Variants in SH2D1B observed in about 807,000 individuals in gnomAD.
SH2D1B encodes the protein SH2 domain containing 1B.
Under a neutral mutation model 16.3 loss-of-function variants are expected in SH2D1B, and 11 were observed. The ratio of observed to expected loss-of-function variants is 0.67; its 90% confidence interval spans 0.42 to 1.11. SH2D1B has a LOEUF of 1.11. Ranked by LOEUF, SH2D1B falls within the 50% of genes most tolerant of loss-of-function variation. The pLI, the probability that SH2D1B is intolerant of heterozygous loss-of-function variation, is 0.00. For synonymous variants in SH2D1B, 55 were observed against 56.1 expected (o/e 0.98, Z 0.09); for missense variants, 123 against 153.1 (o/e 0.80, Z 1.04).
chr1:162,399,184 A>G, intron 2 of SH2D1B, 97 bp from the exon 3 acceptor site: 1 of 1,227,610 alleles, frequency 8.1e-7, no homozygotes, highest in Non-Finnish European at 1.1e-6. Context: ...CTGCCCTTCT[A>G]TGAGCTGAAA....
rs1170503794 is a variant in SH2D1B, at chr1:162,396,377, T to G, written c.*903A>C. On this transcript the variant is annotated 3_prime_UTR_variant, in exon 4 of 4. Transcript: ENST00000367929. ...AACAAACCTCCCTCAGCAATGTGCT[T>G]CCAGTCAGTTTCTATGAACTAGGCA... is the stretch of plus-strand genomic sequence containing the variant. 2.6e-5 allele frequency: 4 copies of G among 152,198 alleles called. No individual in the cohort carries two copies. The highest frequency in any genetic ancestry group is 1.3e-4 in the Admixed American group (2 of 15,276). 9.4% of individuals were successfully genotyped at this position (152,198 alleles called of 1,614,324 possible). A position where few individuals can be genotyped will look rare whatever the true frequency, so the allele number is the denominator to read the frequency against.
chr1:162,403,511 A>AAAAAAAAAATATAT (rs1648579325), intron 1 of SH2D1B, among the ~76,000 whole-genome samples: 1 of 42,038 alleles, frequency 2.4e-5, no homozygotes, highest in African/African-American at 1.1e-4. Context: ...AAAAAAAAAA[A>AAAAAAAAAATATAT]ATATATATAT....
rs1410345018 is a variant in SH2D1B at position 162,399,008 on chromosome 1, A to G, written c.278T>C (p.Met93Thr). ...TATTGGCTTTAAAAGGTGAACCACC[A>G]TCCCCTGATTTGGTTTTTCAAATTT... ...ISKFEKPNQG[M>T]VVHLLKPIKR... The change falls in exon 3 of 4, where the codon ATG becomes ACG. Residue 93 changes from methionine (M) to threonine (T), a missense_variant. By Grantham distance (81) the Met-to-Thr change is moderately conservative (BLOSUM62 -1). Transcript: ENST00000367929. 6.2e-7 allele frequency: 1 copy of G among 1,614,036 alleles called. No homozygotes were observed. Among genetic ancestry groups the G allele is most frequent in the Non-Finnish European group, 8.5e-7 (1 of 1,179,994 alleles).
At chr1:162,402,292 C>T (rs557955326) in intron 2 of SH2D1B, among the ~76,000 whole-genome samples, 48 of 152,216 alleles carry the variant, frequency 3.2e-4, no homozygotes, top group African/African-American at 1.1e-3. Flanking sequence ...GCCGGCGGAT[C>T]ACAAGGTCAG....
rs57093863 is a variant in SH2D1B at position 162,403,701 on chromosome 1, TACACACACACACACAC to T, written c.135-915_135-900del. ...TGATTAATAGATGAATGAAGAAAGTTACACACACACACACACACACACACACACACACACACACACA... is the reference window on the plus strand; with the variant it reads ...TGATTAATAGATGAATGAAGAAAGTTACACACACACACACACACACACACA... On this transcript the variant is annotated intron_variant, in intron 1 of 3. Coordinates refer to ENST00000367929, the MANE Select transcript of SH2D1B (RefSeq NM_053282.5). Among the ~76,000 whole-genome samples the T allele has an allele frequency of 1.4e-3, 182 of 132,330 alleles. 1 individual carries two copies. The highest frequency in any genetic ancestry group is 7.1e-3 in the Middle Eastern group (2 of 280). 86.8% of individuals were successfully genotyped at this position (132,330 alleles called of 152,430 possible). A position where few individuals can be genotyped will look rare whatever the true frequency, so the allele number is the denominator to read the frequency against.
intron 2 of SH2D1B, 74 bp from the exon 3 acceptor site, chr1:162,399,161 T>G: frequency 6.8e-7 from 1 of 1,462,826 alleles, no homozygotes; most frequent in Non-Finnish European, 9.3e-7. Context: ...CTCAAAGCAG[T>G]GGGTTTTCAG....
At chr1:162,405,880 T>A (rs1321374876) in intron 1 of SH2D1B, among the ~76,000 whole-genome samples, 1 of 152,270 alleles carries the variant, frequency 6.6e-6, no homozygotes, top group African/African-American at 2.4e-5. Context: ...TCTGAGTCCT[T>A]GCTCAACGCA....
At position 162,403,488 on chromosome 1, in the gene SH2D1B, G is replaced by GAAAAAAAAAAA. The variant is rs1172751501; in HGVS notation, c.135-697_135-687dup. Among the ~76,000 whole-genome samples the GAAAAAAAAAAA allele has an allele frequency of 7.8e-4, 16 of 20,628 alleles. 1 individual carries two copies. Among genetic ancestry groups the GAAAAAAAAAAA allele is most frequent in the Non-Finnish European group, 8.1e-4 (8 of 9,932 alleles). 13.5% of individuals were successfully genotyped at this position (20,628 alleles called of 152,430 possible). A position where few individuals can be genotyped will look rare whatever the true frequency, so the allele number is the denominator to read the frequency against. On this transcript the variant is annotated intron_variant, in intron 1 of 3. Transcript: ENST00000367929. Reference sequence around the variant, plus strand: ...TGGGCGACAGAGCGAGACTCTGTCTGAAAAAAAAAAAAAAAAAAAAAAAAT... The same window carrying GAAAAAAAAAAA: ...TGGGCGACAGAGCGAGACTCTGTCTGAAAAAAAAAAAAAAAAAAAAAAAAAAAAAAAAAAAT...
intron 1 of SH2D1B, among the ~76,000 whole-genome samples, chr1:162,407,280 C>T (rs1434224485): frequency 6.6e-6 from 1 of 152,104 alleles, no homozygotes; most frequent in East Asian, 1.9e-4. Flanking sequence ...CCAGGGGAGA[C>T]CCATTTTAAT....
At chr1:162,407,011 T>C (rs1011745549) in intron 1 of SH2D1B, among the ~76,000 whole-genome samples, 1 of 152,264 alleles carries the variant, frequency 6.6e-6, no homozygotes. Context: ...AAACATTTCC[T>C]GTCCACAGTT....
At chr1:162,408,086 G>C (rs1461134369) in intron 1 of SH2D1B, among the ~76,000 whole-genome samples, 1 of 152,138 alleles carries the variant, frequency 6.6e-6, no homozygotes, top group East Asian at 1.9e-4. Flanking sequence ...TTCCCCACTA[G>C]GCTCTGAGTT....
rs780775427 is a variant in SH2D1B, at chr1:162,398,896, TTCTGACCC to T, written c.363+19_363+26del. On this transcript the variant is annotated intron_variant, in intron 3 of 3. Transcript: ENST00000367929. ...TGGTGGAAATAGGATTAAGATTGCTTTCTGACCCCCACGTGAGAGATTTTACCACAAAT... is the reference window on the plus strand; with the variant it reads ...TGGTGGAAATAGGATTAAGATTGCTTCCACGTGAGAGATTTTACCACAAAT... 3.0e-5 allele frequency: 48 copies of T among 1,599,738 alleles called. No homozygotes were observed. The highest frequency in any genetic ancestry group is 3.8e-5 in the Non-Finnish European group (45 of 1,170,394).
At chr1:162,400,260 T>TC (rs1447269726) in intron 2 of SH2D1B, among the ~76,000 whole-genome samples, 1 of 151,712 alleles carries the variant, frequency 6.6e-6, no homozygotes, top group East Asian at 1.9e-4. Context: ...ATAGATGTTT[T>TC]CTGTTTACCA....
At chr1:162,406,410 G>A (rs1648656014) in intron 1 of SH2D1B, among the ~76,000 whole-genome samples, 1 of 152,112 alleles carries the variant, frequency 6.6e-6, no homozygotes, top group African/African-American at 2.4e-5. Context: ...TTCTTTGATG[G>A]GGAAAGAGAC....
intron 1 of SH2D1B, among the ~76,000 whole-genome samples, chr1:162,404,224 T>C (rs1648598927): frequency 6.6e-6 from 1 of 152,048 alleles, no homozygotes; most frequent in Non-Finnish European, 1.5e-5. Flanking sequence ...TAATCCCAAG[T>C]ACTCAGGCGG....
At chr1:162,399,654 C>A (rs137927003) in intron 2 of SH2D1B, among the ~76,000 whole-genome samples, 4 of 152,316 alleles carry the variant, frequency 2.6e-5, no homozygotes, top group Admixed American at 6.5e-5. Flanking sequence ...CCTCTCCCTC[C>A]TCCCACCCTG....
chr1:162,396,378 C>T lies in SH2D1B; in HGVS notation c.*902G>A, dbSNP rs532969080. The T allele has an allele frequency of 3.3e-5, 5 of 152,330 alleles. No individual in the cohort carries two copies. The South Asian group carries it at 1.0e-3, about 32-fold the overall frequency. The allele number at this position is 152,330 out of a possible 1,614,324, so 9.4% of individuals were successfully genotyped here. A position where few individuals can be genotyped will look rare whatever the true frequency, so the allele number is the denominator to read the frequency against. ...ACAAACCTCCCTCAGCAATGTGCTT[C>T]CAGTCAGTTTCTATGAACTAGGCAC... On this transcript the variant is annotated 3_prime_UTR_variant, in exon 4 of 4. Coordinates refer to ENST00000367929, the MANE Select transcript of SH2D1B (RefSeq NM_053282.5).
intron 1 of SH2D1B, among the ~76,000 whole-genome samples, chr1:162,403,887 A>G (rs538087484): frequency 1.3e-5 from 2 of 152,270 alleles, no homozygotes; most frequent in South Asian, 4.1e-4. Flanking sequence ...GCATCTAAAA[A>G]AAGTTGATAT....
intron 1 of SH2D1B, among the ~76,000 whole-genome samples, chr1:162,407,963 C>G (rs553201113): frequency 2.8e-4 from 42 of 152,322 alleles, no homozygotes; most frequent in Non-Finnish European, 5.3e-4. Flanking sequence ...CTCCTAAAGT[C>G]TCAGCTCCAA....
Sources: gnomAD v4.1 joint callset for allele counts (sites outside exome capture counted in the v4.1 genomes callset) on GRCh38, gnomAD v4.1.1 for gene constraint, MANE v1.5 for transcripts, NCBI Gene and HGNC (gene_info 2026-07-23, HGNC 2026-07-21) for gene names.